The following PTGFRN variants were observed in gnomAD, a reference collection of about 807,000 sequenced individuals.
PTGFRN encodes prostaglandin F2 receptor inhibitor.
A neutral mutation model predicts 83.2 loss-of-function variants in PTGFRN; 35 were observed. That is an observed-to-expected ratio of 0.42 (90% confidence interval 0.32 to 0.56). The LOEUF (loss-of-function observed/expected upper bound fraction) is 0.56, where lower values mean the gene tolerates loss of function less well. PTGFRN is among the 20% of genes least tolerant of loss of function. The pLI is 0.11. For synonymous variants in PTGFRN, 519 were observed against 498.6 expected (o/e 1.04, Z -0.55); for missense variants, 1,051 against 1,179.5 (o/e 0.89, Z 1.60).
intron 1 of PTGFRN, among the ~76,000 whole-genome samples, chr1:116,914,253 A>G (rs1035291624): frequency 6.6e-6 from 1 of 152,160 alleles, no homozygotes; most frequent in Non-Finnish European, 1.5e-5. Flanking sequence ...GTAGAGTAGA[A>G]TATTTGGAGT....
At chr1:116,955,095 T>C (rs1200613303) in intron 4 of PTGFRN, among the ~76,000 whole-genome samples, 3 of 152,222 alleles carry the variant, frequency 2.0e-5, no homozygotes, top group Non-Finnish European at 4.4e-5. Context: ...TTCTGAAGGC[T>C]TTTTATTGTT....
chr1:116,934,591 T>C (rs1273986684), intron 1 of PTGFRN, among the ~76,000 whole-genome samples: 2 of 152,232 alleles, frequency 1.3e-5, no homozygotes, highest in Non-Finnish European at 2.9e-5. Flanking sequence ...TCCTGTTTTC[T>C]ATTTCTTTAG....
At chr1:116,946,442 G>A (rs531386596) in intron 3 of PTGFRN, among the ~76,000 whole-genome samples, 6 of 152,238 alleles carry the variant, frequency 3.9e-5, no homozygotes, top group East Asian at 3.9e-4. Context: ...AGAAGTGATC[G>A]CTCTGCAATC....
chr1:116,913,366 T>C (rs773583265), intron 1 of PTGFRN, among the ~76,000 whole-genome samples: 1 of 150,302 alleles, frequency 6.7e-6, no homozygotes, highest in Non-Finnish European at 1.5e-5. Context: ...ACATGGCTCA[T>C]TGAGAAATGG....
chr1:116,974,131 A>G (rs1651076383), intron 6 of PTGFRN, 85 bp from the exon 7 acceptor site: 1 of 1,053,720 alleles, frequency 9.5e-7, no homozygotes, highest in African/African-American at 1.6e-5. Context: ...AGAGAACCAC[A>G]TTTTGATGCC....
At chr1:116,920,269 A>C (rs1649506025) in intron 1 of PTGFRN, among the ~76,000 whole-genome samples, 1 of 152,236 alleles carries the variant, frequency 6.6e-6, no homozygotes, top group Non-Finnish European at 1.5e-5. Context: ...CCACCAGGCT[A>C]ACTGGGCTTT....
At chr1:116,928,179 A>G (rs1016179920) in intron 1 of PTGFRN, among the ~76,000 whole-genome samples, 1 of 152,220 alleles carries the variant, frequency 6.6e-6, no homozygotes, top group Non-Finnish European at 1.5e-5. Context: ...GCCCCTGGAA[A>G]AAATAACAGA....
At chr1:116,977,774 G>T (rs1651197378) in intron 7 of PTGFRN, among the ~76,000 whole-genome samples, 1 of 152,196 alleles carries the variant, frequency 6.6e-6, no homozygotes, top group African/African-American at 2.4e-5. Context: ...AAGCAGGAAA[G>T]ATCTAAAATT....
In PTGFRN at chr1:116,983,240, G is replaced by T. The variant is rs147921555; in HGVS notation, c.2168-1440G>T. ...TGGTGCTGGGATGCTAGCCCAGGCA[G>T]CCTGGCCCTGGAGCCTGGCTCCCAC... On this transcript the variant is annotated intron_variant, in intron 7 of 8. Coordinates refer to ENST00000393203, the MANE Select transcript of PTGFRN (RefSeq NM_020440.4). Among the ~76,000 whole-genome samples, 850 of 152,278 alleles carry T rather than the reference G, an allele frequency of 5.6e-3. 7 individuals carry two copies. The highest frequency in any genetic ancestry group is 0.02 in the African/African-American group (821 of 41,554).
intron 3 of PTGFRN, among the ~76,000 whole-genome samples, chr1:116,948,149 A>G (rs1442282947): frequency 2.0e-5 from 3 of 152,146 alleles, no homozygotes; most frequent in Non-Finnish European, 2.9e-5. Flanking sequence ...CTCTGCTTGA[A>G]TCCCCTGGGA....
chr1:116,949,083 C>T, intron 3 of PTGFRN, 109 bp from the exon 4 acceptor site: 1 of 1,381,706 alleles, frequency 7.2e-7, no homozygotes, highest in Non-Finnish European at 9.8e-7. Flanking sequence ...AGCCTTCTAA[C>T]TTTAATGCTG....
intron 4 of PTGFRN, among the ~76,000 whole-genome samples, chr1:116,954,317 C>T (rs1650429160): frequency 6.7e-6 from 1 of 149,586 alleles, no homozygotes; most frequent in Non-Finnish European, 1.5e-5. Context: ...AACAATAGCT[C>T]CTTATTTGTA....
chr1:116,928,318 C>T (rs1649705081), intron 1 of PTGFRN, among the ~76,000 whole-genome samples: 2 of 152,350 alleles, frequency 1.3e-5, no homozygotes, highest in Admixed American at 1.3e-4. Context: ...CAGATTCCCT[C>T]CTATCTGTTG....
intron 5 of PTGFRN, among the ~76,000 whole-genome samples, chr1:116,962,097 T>C (rs905036044): frequency 2.2e-4 from 34 of 152,186 alleles, no homozygotes; most frequent in Non-Finnish European, 1.2e-4. Flanking sequence ...CAGGTGCCCT[T>C]CTTGATCCTC....
intron 1 of PTGFRN, among the ~76,000 whole-genome samples, chr1:116,917,355 ACT>A (rs1452634302): frequency 1.3e-5 from 2 of 151,888 alleles, no homozygotes; most frequent in Non-Finnish European, 2.9e-5. Context: ...CAGCTGGGAG[ACT>A]CTGGTGGCAA....
At chr1:116,977,863 A>T (rs1036541214) in intron 7 of PTGFRN, among the ~76,000 whole-genome samples, 2 of 152,246 alleles carry the variant, frequency 1.3e-5, no homozygotes, top group African/African-American at 4.8e-5. Flanking sequence ...GCAAGAAATA[A>T]CTAAGATCAG....
intron 3 of PTGFRN, among the ~76,000 whole-genome samples, chr1:116,945,645 G>A (rs1325100241): frequency 6.6e-6 from 1 of 151,998 alleles, no homozygotes; most frequent in Non-Finnish European, 1.5e-5. Context: ...GCTCTCTAGG[G>A]CAGGGCCGCT....
In PTGFRN at chr1:116,990,162, A is replaced by AT. The variant is rs1303552649; in HGVS notation, c.*3195_*3196insT. 1 of 152,660 alleles carries AT rather than the reference A, an allele frequency of 6.6e-6. No individual in the cohort carries two copies. The highest frequency in any genetic ancestry group is 1.5e-5 in the Non-Finnish European group (1 of 68,046). The allele number at this position is 152,660 out of a possible 1,614,324, so 9.5% of individuals were successfully genotyped here. A position where few individuals can be genotyped will look rare whatever the true frequency, so the allele number is the denominator to read the frequency against. ...ATATGTGTGCAGATCCCTAGAAGAG[A>AT]AAACGCTGACTTTCTTTTTAAGTGT... On this transcript the variant is annotated 3_prime_UTR_variant, in exon 9 of 9. Transcript: ENST00000393203.
At chr1:116,947,592 T>C (rs1185022705) in intron 3 of PTGFRN, among the ~76,000 whole-genome samples, 1 of 152,204 alleles carries the variant, frequency 6.6e-6, no homozygotes, top group Non-Finnish European at 1.5e-5. Context: ...AACCTGAGAC[T>C]CTGTTTTCTC....
Sources: allele counts gnomAD v4.1 joint callset (sites outside exome capture counted in the v4.1 genomes callset), GRCh38; gene constraint gnomAD v4.1.1; transcripts MANE v1.5; gene names NCBI Gene and HGNC (gene_info 2026-07-23, HGNC 2026-07-21).